The following SIGLEC5 variants were observed in gnomAD, a reference collection of about 807,000 sequenced individuals.
The protein encoded by SIGLEC5 is sialic acid-binding Ig-like lectin 5.
A neutral mutation model predicts 45.9 loss-of-function variants in SIGLEC5; 34 were observed. The observed-to-expected ratio is 0.74, with a 90% CI of 0.56 to 0.99. The LOEUF (loss-of-function observed/expected upper bound fraction) is 0.99, where lower values mean the gene tolerates loss of function less well. SIGLEC5 is among the 50% of genes least tolerant of loss of function. The probability of loss-of-function intolerance (pLI) is 0.00; values close to 1 mark genes in which losing one functional copy is unlikely to be tolerated. For missense variants in SIGLEC5, 508 were observed against 629.6 expected, an observed-to-expected ratio of 0.81 and a Z score of 2.07; for synonymous variants, 203 against 258.6, an observed-to-expected ratio of 0.79 and a Z score of 2.06.
rs769174635 is a variant in SIGLEC5 at position 51,626,158 on chromosome 19, C to G, written c.1383-45G>C. The G allele has an allele frequency of 2.7e-6, 4 of 1,481,648 alleles. No homozygotes were observed. The East Asian group carries it at 6.8e-5, about 25-fold the overall frequency. 91.8% of individuals were successfully genotyped at this position (1,481,648 alleles called of 1,614,324 possible). A position where few individuals can be genotyped will look rare whatever the true frequency, so the allele number is the denominator to read the frequency against. ...CAGTGCAGCTGGGACCACCCAGGCA[C>G]GGGTTAGCGGGTTGTCCCATCCCAT... On this transcript the variant is annotated intron_variant, in intron 7 of 8. Transcript: ENST00000683636.
chr19:51,617,676 C>T (rs1046013301), intron 8 of SIGLEC5, among the ~76,000 whole-genome samples: 6 of 151,872 alleles, frequency 4.0e-5, no homozygotes, highest in African/African-American at 1.2e-4. Flanking sequence ...GGAACCCAAA[C>T]TGAAAACCCA....
chr19:51,620,945 A>G (rs1266714247), intron 8 of SIGLEC5, among the ~76,000 whole-genome samples: 2 of 152,102 alleles, frequency 1.3e-5, no homozygotes, highest in Non-Finnish European at 2.9e-5. Context: ...TCAGCCTCCC[A>G]AAGTTCTGGG....
At chr19:51,625,514 A>T (rs986990330) in intron 8 of SIGLEC5, among the ~76,000 whole-genome samples, 2 of 152,158 alleles carry the variant, frequency 1.3e-5, no homozygotes, top group African/African-American at 4.8e-5. Flanking sequence ...TGAGCAAAGG[A>T]CAAGTTAGTT....
Position 51,628,006 on chromosome 19 carries a change from G to A in SIGLEC5, c.825C>T (p.Pro275=). 6.2e-7 allele frequency: 1 copy of A among 1,611,190 alleles called. No individual in the cohort carries two copies. Reference sequence around the variant, plus strand: ...CCTGGAACCAGCTCAGGTGTGCAGGGGGGTTGCTGGGAGCATCACAGAGCA... The same window carrying A: ...CCTGGAACCAGCTCAGGTGTGCAGGAGGGTTGCTGGGAGCATCACAGAGCA... ...LRLLCDAPSN[P]PAHLSWFQGS... Residue 275 remains proline (P), a synonymous_variant, in exon 5 of 9, where the codon CCC becomes CCT. Coordinates refer to ENST00000683636, the MANE Select transcript of SIGLEC5 (RefSeq NM_003830.4).
intron 3 of SIGLEC5, 53 bp downstream of exon 3, chr19:51,629,305 C>T (rs1983637592): frequency 6.3e-7 from 1 of 1,589,118 alleles, no homozygotes; most frequent in Non-Finnish European, 8.6e-7. Context: ...CACACACACA[C>T]CCCTCACTCC....
intron 8 of SIGLEC5, among the ~76,000 whole-genome samples, chr19:51,616,697 A>T (rs1182403460): frequency 6.6e-6 from 1 of 151,956 alleles, no homozygotes; most frequent in African/African-American, 2.4e-5. Context: ...AGATCACTTG[A>T]GGTCAGGAGT....
At chr19:51,616,745 C>CT (rs1983070462) in intron 8 of SIGLEC5, among the ~76,000 whole-genome samples, 1 of 151,452 alleles carries the variant, frequency 6.6e-6, no homozygotes, top group African/African-American at 2.4e-5. Context: ...AATCCTGTCT[C>CT]TAAAAAAATA....
Position 51,612,091 on chromosome 19 carries a change from T to TCATCTGTTTTCTTTCTGC in SIGLEC5, c.*139_*140insGCAGAAAGAAAACAGATG, listed in dbSNP as rs1783751445. ...ATTTGAGCCCACCTCTCTAATTCCA[T>TCATCTGTTTTCTTTCTGC]CTGCTTGGAGCACTTAAACATCAGT... On this transcript the variant is annotated 3_prime_UTR_variant, in exon 9 of 9. Coordinates refer to ENST00000683636, the MANE Select transcript of SIGLEC5 (RefSeq NM_003830.4). The TCATCTGTTTTCTTTCTGC allele has an allele frequency of 4.1e-6, 2 of 490,256 alleles. No homozygotes were observed. Among genetic ancestry groups the TCATCTGTTTTCTTTCTGC allele is most frequent in the African/African-American group, 1.7e-4 (2 of 12,096 alleles). The allele number at this position is 490,256 out of a possible 1,614,324, so 30.4% of individuals were successfully genotyped here.
At chr19:51,619,750 T>C (rs1983213191) in intron 8 of SIGLEC5, among the ~76,000 whole-genome samples, 1 of 150,824 alleles carries the variant, frequency 6.6e-6, no homozygotes, top group Non-Finnish European at 1.5e-5. Flanking sequence ...AGAAGCTAAG[T>C]ATCCAGCTTA....
In SIGLEC5 at chr19:51,611,286, G is replaced by A. The variant is rs1385978771; in HGVS notation, c.*945C>T. Among the ~76,000 whole-genome samples, 1 of 152,176 alleles carries A rather than the reference G, an allele frequency of 6.6e-6. No individual in the cohort carries two copies. Among genetic ancestry groups the A allele is most frequent in the Admixed American group, 6.5e-5 (1 of 15,274 alleles). The stretch of plus-strand genomic sequence containing the variant: ...CAATTTTAGAGGAGGGAGAGTATAA[G>A]TTCTTTCTTCAGTCCACTCTTCCAA... On this transcript the variant is annotated 3_prime_UTR_variant, in exon 9 of 9. Transcript: ENST00000683636.
In SIGLEC5 at chr19:51,611,511, G is replaced by T. The variant is rs764222840; in HGVS notation, c.*720C>A. 6.6e-6 allele frequency among the ~76,000 whole-genome samples: 1 copy of T among 152,262 alleles called. No homozygotes were observed. Among genetic ancestry groups the T allele is most frequent in the Non-Finnish European group, 1.5e-5 (1 of 68,048 alleles). ...GCAGGGAGATCATGAAGGACTTTAT[G>T]TGTCAGGGGAGATGCTTGTGATATA... is the stretch of plus-strand genomic sequence containing the variant. On this transcript the variant is annotated 3_prime_UTR_variant, in exon 9 of 9. Coordinates refer to ENST00000683636, the MANE Select transcript of SIGLEC5 (RefSeq NM_003830.4).
intron 7 of SIGLEC5, 61 bp downstream of exon 7, chr19:51,627,088 A>G: frequency 1.5e-6 from 2 of 1,324,256 alleles, no homozygotes; most frequent in South Asian, 1.2e-5. Flanking sequence ...TGTTTCTGAG[A>G]TTCAGTCTCT....
rs747737197 is a variant in SIGLEC5, at chr19:51,627,173, C to A, written c.1358G>T (p.Cys453Phe). The change falls in exon 7 of 9, where the codon TGT (cysteine) becomes TTT (phenylalanine). Residue 453 changes from cysteine to phenylalanine, a missense_variant. Physicochemically the swap from Cys to Phe is radical, Grantham distance 205. Coordinates refer to ENST00000683636, the MANE Select transcript of SIGLEC5 (RefSeq NM_003830.4). The part of the protein sequence containing the change: ...GAGVMALLCI[C>F]LCLIFFLIVK... The stretch of plus-strand genomic sequence containing the variant: ...CATTAAAAAGAAGATGAGGCACAGA[C>A]AGATACAGAGCAGGGCCATGACACC... The A allele has an allele frequency of 6.2e-7, 1 of 1,614,060 alleles. No homozygotes were observed. The highest frequency in any genetic ancestry group is 8.5e-7 in the Non-Finnish European group (1 of 1,179,940).
intron 7 of SIGLEC5, among the ~76,000 whole-genome samples, chr19:51,626,732 G>C (rs1338899228): frequency 6.6e-6 from 1 of 152,092 alleles, no homozygotes; most frequent in South Asian, 2.1e-4. Context: ...TGATGAAAAT[G>C]TTCTAAAATT....
chr19:51,616,192 A>C (rs1983048205), intron 8 of SIGLEC5, among the ~76,000 whole-genome samples: 1 of 152,362 alleles, frequency 6.6e-6, no homozygotes, highest in East Asian at 1.9e-4. Flanking sequence ...CTCACAGCTC[A>C]GAAGGCTGGG....
intron 8 of SIGLEC5, among the ~76,000 whole-genome samples, chr19:51,617,363 G>A (rs1016620880): frequency 1.3e-5 from 2 of 151,940 alleles, no homozygotes; most frequent in Non-Finnish European, 2.9e-5. Context: ...CCCCACGAGT[G>A]CAAGAAAAAA....
chr19:51,625,351 C>A (rs919827597), intron 8 of SIGLEC5, among the ~76,000 whole-genome samples: 2 of 152,174 alleles, frequency 1.3e-5, no homozygotes, highest in African/African-American at 4.8e-5. Context: ...CTCTAAGCAA[C>A]AGGAACAAAC....
intron 8 of SIGLEC5, among the ~76,000 whole-genome samples, chr19:51,616,594 A>G (rs989652998): frequency 1.3e-5 from 2 of 152,030 alleles, no homozygotes; most frequent in Non-Finnish European, 2.9e-5. Context: ...ATATGAGAAA[A>G]AGGTTAAGAT....
rs2122640344 is a variant in SIGLEC5 at position 51,629,078 on chromosome 19, T to C, written c.701-2A>G. 6.2e-7 allele frequency: 1 copy of C among 1,613,766 alleles called. No individual in the cohort carries two copies. Among genetic ancestry groups the C allele is most frequent in the Non-Finnish European group, 8.5e-7 (1 of 1,179,840 alleles). ...AGATGGTGATGGTCTGTGGAGCATC[T>C]GGGATAAAAAGATATAAACTTGGCT... On this transcript the variant is annotated splice_acceptor_variant, in intron 3 of 8. Transcript: ENST00000683636. LOFTEE classifies it high-confidence loss of function.
Sources: allele counts gnomAD v4.1 joint callset (sites outside exome capture counted in the v4.1 genomes callset), GRCh38; gene constraint gnomAD v4.1.1; transcripts MANE v1.5; gene names NCBI Gene and HGNC (gene_info 2026-07-23, HGNC 2026-07-21).